IL1RAP: variants seen among roughly 807,000 people sequenced by gnomAD.
IL1RAP encodes interleukin-1 receptor accessory protein.
In IL1RAP, 35 loss-of-function variants were observed where a neutral mutation model predicts 60.7. The observed-to-expected ratio is 0.58, with a 90% CI of 0.44 to 0.76. The LOEUF is 0.76. IL1RAP is among the 30% of genes least tolerant of loss of function. The probability of loss-of-function intolerance (pLI) is 0.00; values close to 1 mark genes in which losing one functional copy is unlikely to be tolerated. For synonymous variants in IL1RAP, 268 were observed against 250.9 expected (o/e 1.07, Z -0.64); for missense variants, 572 against 693.9 (o/e 0.82, Z 1.97).
At chr3:190,654,575 C>T (rs1734544277), downstream of IL1RAP, among the ~76,000 whole-genome samples, 1 of 152,182 alleles carries the variant, frequency 6.6e-6, no homozygotes, top group South Asian at 2.1e-4. Context: ...TCCAATTTCC[C>T]TTCAAATTCA....
At chr3:190,654,516 A>G (rs1164994837), downstream of IL1RAP, among the ~76,000 whole-genome samples, 2 of 152,148 alleles carry the variant, frequency 1.3e-5, no homozygotes, top group African/African-American at 4.8e-5. Context: ...ACATTTTTGC[A>G]CTCCTGCTTA....
At chr3:190,544,072 C>G (rs1431817132) in intron 1 of IL1RAP, among the ~76,000 whole-genome samples, 1 of 152,114 alleles carries the variant, frequency 6.6e-6, no homozygotes, top group African/African-American at 2.4e-5. Context: ...TTAGGTCACC[C>G]TAATACATAC....
intron 2 of IL1RAP, among the ~76,000 whole-genome samples, chr3:190,558,862 T>C (rs1426723606): frequency 6.6e-6 from 1 of 152,224 alleles, no homozygotes; most frequent in Non-Finnish European, 1.5e-5. Context: ...TATTATTTTC[T>C]AGTACCATTT....
intron 3 of IL1RAP, among the ~76,000 whole-genome samples, chr3:190,596,446 G>A (rs1034843972): frequency 1.3e-5 from 2 of 152,124 alleles, no homozygotes; most frequent in Non-Finnish European, 2.9e-5. Flanking sequence ...GGGCATGAAA[G>A]CCCTAGAGTG....
At chr3:190,536,391 T>TC (rs1220261294) in intron 1 of IL1RAP, among the ~76,000 whole-genome samples, 1 of 152,190 alleles carries the variant, frequency 6.6e-6, no homozygotes. Context: ...GTCTAGTAAT[T>TC]GAGTTACCAG....
rs190750816 is a variant in IL1RAP, at chr3:190,647,476, A to G, written c.1346-862A>G. On this transcript the variant is annotated intron_variant, in intron 11 of 11. Coordinates refer to ENST00000447382, the MANE Select transcript of IL1RAP (RefSeq NM_002182.4). ...TCCAAGAATTTAGTGACAGAAACTA[A>G]TCAGGGCCCTTGACAGCAGAATAAA... Among the ~76,000 whole-genome samples the G allele has an allele frequency of 1.7e-3, 265 of 152,354 alleles. 2 individuals are homozygous for G. The highest frequency in any genetic ancestry group is 7.1e-3 in the East Asian group (37 of 5,186).
intron 1 of IL1RAP, among the ~76,000 whole-genome samples, chr3:190,533,315 A>G (rs968823542): frequency 3.3e-5 from 5 of 152,232 alleles, no homozygotes; most frequent in African/African-American, 1.2e-4. Flanking sequence ...CTAGACATCT[A>G]GTTGGCAAGG....
Position 190,649,921 on chromosome 3 carries a change from T to G in IL1RAP, c.*1216T>G. ...GTTTACAGAGTGGTAAATATCTATG[T>G]TACATGTAGATTATACATATATATA... On this transcript the variant is annotated 3_prime_UTR_variant, in exon 12 of 12. Coordinates refer to ENST00000447382, the MANE Select transcript of IL1RAP (RefSeq NM_002182.4). 1.1e-6 allele frequency: 1 copy of G among 949,624 alleles called. No individual in the cohort carries two copies. Among genetic ancestry groups the G allele is most frequent in the Non-Finnish European group, 1.3e-6 (1 of 797,358 alleles). 58.8% of individuals were successfully genotyped at this position (949,624 alleles called of 1,614,324 possible). A position where few individuals can be genotyped will look rare whatever the true frequency, so the allele number is the denominator to read the frequency against.
chr3:190,586,014 A>T (rs1050421332), intron 3 of IL1RAP, among the ~76,000 whole-genome samples: 5 of 151,922 alleles, frequency 3.3e-5, no homozygotes, highest in African/African-American at 1.2e-4. Flanking sequence ...ATCATGGCTC[A>T]CATCAGCCTG....
chr3:190,615,119 C>G (rs147512055), intron 5 of IL1RAP, among the ~76,000 whole-genome samples: 1 of 151,600 alleles, frequency 6.6e-6, no homozygotes, highest in Non-Finnish European at 1.5e-5. Context: ...TTCTCTAATT[C>G]AACATTAGGT....
chr3:190,648,939 G>T lies in IL1RAP; in HGVS notation c.*234G>T, dbSNP rs1324509989. ...AGTCTCTGATGCCACTATGTTCTTT[G>T]CAGGCAAAGACTTGTTCAATGCGAA... On this transcript the variant is annotated 3_prime_UTR_variant, in exon 12 of 12. Transcript: ENST00000447382. 3.9e-6 allele frequency: 5 copies of T among 1,287,250 alleles called. No homozygotes were observed. The highest frequency in any genetic ancestry group is 4.9e-6 in the Non-Finnish European group (5 of 1,017,022). The allele number at this position is 1,287,250 out of a possible 1,614,324, so 79.7% of individuals were successfully genotyped here.
chr3:190,567,436 T>C (rs1183646756), intron 3 of IL1RAP, among the ~76,000 whole-genome samples: 1 of 152,192 alleles, frequency 6.6e-6, no homozygotes, highest in Non-Finnish European at 1.5e-5. Flanking sequence ...ACCCAAACCA[T>C]GGGGTAGTCA....
At chr3:190,549,220 C>T (rs1210657749) in intron 1 of IL1RAP, among the ~76,000 whole-genome samples, 1 of 152,190 alleles carries the variant, frequency 6.6e-6, no homozygotes, top group African/African-American at 2.4e-5. Flanking sequence ...CTCCCTCTTG[C>T]AAACGGTGTG....
chr3:190,519,882 C>T (rs1577486813), intron 1 of IL1RAP, among the ~76,000 whole-genome samples: 1 of 152,152 alleles, frequency 6.6e-6, no homozygotes, highest in Non-Finnish European at 1.5e-5. Context: ...TCTATCTAAT[C>T]TGTGTGTCAA....
chr3:190,636,604 C>T (rs557238020), intron 9 of IL1RAP, among the ~76,000 whole-genome samples: 2 of 151,706 alleles, frequency 1.3e-5, no homozygotes, highest in South Asian at 2.1e-4. Flanking sequence ...TGCAGTGGTG[C>T]GATCTCAGCT....
intron 9 of IL1RAP, 104 bp downstream of exon 9, chr3:190,629,602 C>T (rs7611887): frequency 0.87 from 1,256,586 of 1,447,256 alleles, 546,894 homozygotes; most frequent in East Asian, 1. Flanking sequence ...GCACCTAGCC[C>T]GACGGCATCT....
intron 9 of IL1RAP, among the ~76,000 whole-genome samples, chr3:190,643,064 G>T (rs1278399271): frequency 6.6e-6 from 1 of 152,106 alleles, no homozygotes; most frequent in East Asian, 1.9e-4. Context: ...GGATATCATG[G>T]AAGAAAAAGA....
intron 4 of IL1RAP, among the ~76,000 whole-genome samples, chr3:190,606,186 C>G (rs1305909895): frequency 6.6e-6 from 1 of 151,992 alleles, no homozygotes; most frequent in Non-Finnish European, 1.5e-5. Context: ...ATATGGGTTT[C>G]TGAGGATCCT....
At chr3:190,608,952 C>A in intron 4 of IL1RAP, 43 bp from the exon 5 acceptor site, 2 of 1,499,682 alleles carry the variant, frequency 1.3e-6, no homozygotes, top group South Asian at 1.2e-5. Flanking sequence ...TCTATGAAAT[C>A]AAATGCAAAT....
Sources: gnomAD v4.1 joint callset for allele counts (sites outside exome capture counted in the v4.1 genomes callset) on GRCh38, gnomAD v4.1.1 for gene constraint, MANE v1.5 for transcripts, NCBI Gene and HGNC (gene_info 2026-07-23, HGNC 2026-07-21) for gene names.